AK8: variants seen among roughly 807,000 people sequenced by gnomAD.
The protein encoded by AK8 is adenylate kinase 8, also known as ATP-AMP transphosphorylase 8.
In AK8, 44 loss-of-function variants were observed where a neutral mutation model predicts 54.6. The ratio of observed to expected loss-of-function variants is 0.81; its 90% CI spans 0.63 to 1.04. The LOEUF (loss-of-function observed/expected upper bound fraction) is 1.04. AK8 is among the 50% of genes least tolerant of loss of function. The pLI is 0.00. For missense variants in AK8, 555 were observed against 613.6 expected, an observed-to-expected ratio of 0.90 and a Z score of 1.01; for synonymous variants, 239 against 245.6, an observed-to-expected ratio of 0.97 and a Z score of 0.25.
At chr9:132,834,124 A>G (rs940871560) in intron 5 of AK8, among the ~76,000 whole-genome samples, 2 of 152,230 alleles carry the variant, frequency 1.3e-5, no homozygotes, top group East Asian at 1.9e-4. Context: ...AGTTTCGCTC[A>G]GTTCCAAGTC....
intron 4 of AK8, among the ~76,000 whole-genome samples, chr9:132,858,529 G>C (rs1330876769): frequency 2.6e-5 from 4 of 152,220 alleles, no homozygotes; most frequent in African/African-American, 9.6e-5. Context: ...GTGATCTTGG[G>C]AAGTAGAGCA....
chr9:132,752,706 G>A (rs895845661), intron 11 of AK8, among the ~76,000 whole-genome samples: 5 of 98,616 alleles, frequency 5.1e-5, no homozygotes, highest in Admixed American at 4.4e-4. Flanking sequence ...CCCAGGACAT[G>A]GACGCTGGCT....
chr9:132,792,708 G>C lies in AK8; in HGVS notation c.1047C>G (p.Gly349=). 1 of 1,557,324 alleles carries C rather than the reference G, an allele frequency of 6.4e-7. No homozygotes were observed. The part of the protein sequence containing the change: ...RLDQQDCIQK[G]WVLHGVPRDL... Reference sequence around the variant, plus strand: ...CCCGCGGGACGCCGTGTAGCACCCAGCCTTTCTGGATGCAGTCCTGCTGGT... The same window carrying C: ...CCCGCGGGACGCCGTGTAGCACCCACCCTTTCTGGATGCAGTCCTGCTGGT... The change falls in exon 11 of 13, where the codon GGC becomes GGG. Residue 349 remains glycine (G), a synonymous_variant. Transcript: ENST00000298545.
At chr9:132,853,214 CA>C (rs1564439661) in intron 5 of AK8, among the ~76,000 whole-genome samples, 1 of 151,250 alleles carries the variant, frequency 6.6e-6, no homozygotes. Flanking sequence ...AAAAATAAGC[CA>C]GGCATGGTGA....
At chr9:132,782,461 G>A (rs768971455) in intron 11 of AK8, among the ~76,000 whole-genome samples, 2 of 152,118 alleles carry the variant, frequency 1.3e-5, no homozygotes, top group African/African-American at 4.8e-5. Flanking sequence ...AGCCCAGGGC[G>A]GGTGGATCAC....
At chr9:132,798,266 TG>T (rs1463509625) in intron 10 of AK8, among the ~76,000 whole-genome samples, 1 of 152,212 alleles carries the variant, frequency 6.6e-6, no homozygotes, top group Non-Finnish European at 1.5e-5. Flanking sequence ...CCATGTCTCC[TG>T]TCCCAGCCTC....
At chr9:132,778,434 A>G (rs1384790783) in intron 11 of AK8, among the ~76,000 whole-genome samples, 1 of 152,168 alleles carries the variant, frequency 6.6e-6, no homozygotes, top group East Asian at 1.9e-4. Context: ...TAGTCCGCAT[A>G]AGGATCAGCT....
chr9:132,873,796 G>A (rs573351876), intron 2 of AK8, among the ~76,000 whole-genome samples: 12 of 152,272 alleles, frequency 7.9e-5, no homozygotes, highest in South Asian at 4.1e-4. Context: ...GCCTGGGGGC[G>A]AGCCTAGGTC....
intron 1 of AK8, among the ~76,000 whole-genome samples, chr9:132,875,537 A>G (rs966730342): frequency 2.6e-5 from 4 of 152,226 alleles, no homozygotes; most frequent in African/African-American, 9.6e-5. Flanking sequence ...CATTCCCCTC[A>G]GAGCCTTAGC....
Position 132,803,100 on chromosome 9 carries a change from G to A in AK8, c.980-10325C>T, listed in dbSNP as rs549604741. Among the ~76,000 whole-genome samples the A allele has an allele frequency of 3.3e-5, 5 of 152,236 alleles. No homozygotes were observed. The highest frequency in any genetic ancestry group is 3.9e-4 in the East Asian group (2 of 5,182). On this transcript the variant is annotated intron_variant, in intron 10 of 12. Transcript: ENST00000298545. The surrounding 1 kb of genome is among the most constrained non-coding windows in gnomAD (Gnocchi z 4.4). ...GAGGTGCAGAGCGAAGGGGCAGAGC[G>A]GGGGAAAGCCCTTTATAAAACCATC... is the stretch of plus-strand genomic sequence containing the variant.
Position 132,783,996 on chromosome 9 carries a change from G to C in AK8, c.1121+8638C>G, listed in dbSNP as rs373534052. Among the ~76,000 whole-genome samples the C allele has an allele frequency of 1.5e-4, 23 of 152,272 alleles. No individual in the cohort carries two copies. The East Asian group carries it at 4.0e-3, about 27-fold the overall frequency. ...ACACATAATTGGTCTTACTGAAGAA[G>C]AAAACCAAGCAAATGAACCAGAAAA... On this transcript the variant is annotated intron_variant, in intron 11 of 12. Coordinates refer to ENST00000298545, the MANE Select transcript of AK8 (RefSeq NM_152572.3).
At chr9:132,808,642 G>C (rs426531) in intron 10 of AK8, among the ~76,000 whole-genome samples, 42,805 of 152,020 alleles carry the variant, frequency 0.28, 6,151 homozygotes, top group East Asian at 0.49. Context: ...GCAAGAGGCT[G>C]CACGGGGAAA....
intron 2 of AK8, among the ~76,000 whole-genome samples, chr9:132,870,418 C>T (rs1447758597): frequency 6.6e-6 from 1 of 152,196 alleles, no homozygotes; most frequent in Non-Finnish European, 1.5e-5. Context: ...TCCACAGATC[C>T]TTTTGAGGTT....
chr9:132,808,831 G>C (rs1030268657), intron 10 of AK8, among the ~76,000 whole-genome samples: 3 of 152,214 alleles, frequency 2.0e-5, no homozygotes, highest in African/African-American at 7.2e-5. Flanking sequence ...CAGAAGGCCA[G>C]CAGCCGGGAG....
At chr9:132,745,522 G>T (rs1164030569) in intron 11 of AK8, among the ~76,000 whole-genome samples, 2 of 152,174 alleles carry the variant, frequency 1.3e-5, no homozygotes, top group Non-Finnish European at 2.9e-5. Flanking sequence ...CCAGAGTCGG[G>T]TGTCTGGGCC....
chr9:132,765,292 C>CAAAAAAAAAAAAAAAAAAAAA (rs61495439), intron 11 of AK8, among the ~76,000 whole-genome samples: 3 of 62,804 alleles, frequency 4.8e-5, no homozygotes, highest in African/African-American at 2.0e-4. Flanking sequence ...GACTCCATTT[C>CAAAAAAAAAAAAAAAAAAAAA]AAAAAAAAAA....
intron 5 of AK8, among the ~76,000 whole-genome samples, chr9:132,829,200 T>C (rs1310281623): frequency 6.6e-6 from 1 of 152,162 alleles, no homozygotes; most frequent in Admixed American, 6.5e-5. Context: ...TCAGGTGATC[T>C]GCCCACCTTG....
chr9:132,804,501 A>C (rs1840624040), intron 10 of AK8, among the ~76,000 whole-genome samples: 1 of 152,048 alleles, frequency 6.6e-6, no homozygotes, highest in Non-Finnish European at 1.5e-5. Flanking sequence ...GTGAGGGGTG[A>C]GGAGAAGGAG....
chr9:132,878,906 C>A (rs1844285486), upstream of AK8: 2 of 457,268 alleles, frequency 4.4e-6, no homozygotes, highest in Non-Finnish European at 5.8e-6. This position sits in a 1 kb window ranked among gnomAD's most constrained non-coding sequence, Gnocchi z 4.7. Context: ...CCCTCGCCTC[C>A]CAAGTCCTGG....
Sources: allele counts gnomAD v4.1 joint callset (sites outside exome capture counted in the v4.1 genomes callset), GRCh38; gene constraint gnomAD v4.1.1; non-coding constraint Gnocchi (gnomAD v3.1); transcripts MANE v1.5; gene names NCBI Gene and HGNC (gene_info 2026-07-23, HGNC 2026-07-21).